SMAD1: variants seen among roughly 807,000 people sequenced by gnomAD.
SMAD1 encodes the protein MAD, mothers against decapentaplegic homolog 1.
A neutral mutation model predicts 41.6 loss-of-function variants in SMAD1; 6 were observed. The observed-to-expected ratio is 0.14, with a 90% confidence interval of 0.08 to 0.28. SMAD1 has a LOEUF of 0.28. Ranked by LOEUF, SMAD1 falls within the 10% of genes least tolerant of loss-of-function variation. The pLI is 1.00. For missense variants in SMAD1, 379 were observed against 582.6 expected (o/e 0.65, Z 3.60); for synonymous variants, 206 against 203.2 (o/e 1.01, Z -0.12).
intron 5 of SMAD1, among the ~76,000 whole-genome samples, chr4:145,553,196 C>T (rs779779081): frequency 6.6e-6 from 1 of 151,248 alleles, no homozygotes; most frequent in Non-Finnish European, 1.5e-5. Flanking sequence ...CAGGCGTGAA[C>T]AACTGTGCCT....
intron 3 of SMAD1, among the ~76,000 whole-genome samples, chr4:145,541,141 C>G (rs953135258): frequency 2.0e-5 from 3 of 152,032 alleles, no homozygotes; most frequent in African/African-American, 4.8e-5. Flanking sequence ...GTATGATGGG[C>G]AGGTTAGTGG....
At chr4:145,494,101 G>A (rs530995245) in intron 1 of SMAD1, among the ~76,000 whole-genome samples, 1 of 151,844 alleles carries the variant, frequency 6.6e-6, no homozygotes, top group Non-Finnish European at 1.5e-5. Context: ...AGCTGGGATT[G>A]CAGGTGCCCG....
At chr4:145,552,046 A>G (rs551284534) in intron 5 of SMAD1, among the ~76,000 whole-genome samples, 3 of 152,374 alleles carry the variant, frequency 2.0e-5, no homozygotes, top group Admixed American at 6.5e-5. Context: ...AGACATTTTA[A>G]TGATACCCAA....
chr4:145,528,685 A>G (rs1731165300), intron 2 of SMAD1, among the ~76,000 whole-genome samples: 1 of 152,234 alleles, frequency 6.6e-6, no homozygotes, highest in African/African-American at 2.4e-5. Context: ...TAGGTTAATC[A>G]TTTACATATC....
intron 4 of SMAD1, chr4:145,546,078 T>A (rs549666051): frequency 6.5e-6 from 1 of 153,004 alleles, no homozygotes; most frequent in East Asian, 1.9e-4. Context: ...ATATGATTCA[T>A]TCTGTAAGAA....
chr4:145,498,832 A>G (rs1729250640), intron 1 of SMAD1, among the ~76,000 whole-genome samples: 1 of 152,198 alleles, frequency 6.6e-6, no homozygotes, highest in Admixed American at 6.5e-5. Flanking sequence ...TCATAGTCGA[A>G]TGTATCATAA....
At chr4:145,519,088 C>CTTTTTTTTTTTTTTTTTTTTTT (rs771498383) in intron 2 of SMAD1, among the ~76,000 whole-genome samples, 1 of 34,892 alleles carries the variant, frequency 2.9e-5, no homozygotes, top group Admixed American at 3.7e-4. Flanking sequence ...GTTTGGTTGG[C>CTTTTTTTTTTTTTTTTTTTTTT]TTTTTTTTTT....
At chr4:145,490,610 G>A (rs1027136917) in intron 1 of SMAD1, among the ~76,000 whole-genome samples, 5 of 152,102 alleles carry the variant, frequency 3.3e-5, no homozygotes, top group African/African-American at 4.8e-5. Flanking sequence ...AGATTGCCTG[G>A]GTGTAAGACC....
At chr4:145,518,684 G>C (rs573319604) in intron 2 of SMAD1, among the ~76,000 whole-genome samples, 1 of 125,618 alleles carries the variant, frequency 8.0e-6, no homozygotes, top group Non-Finnish European at 2.0e-5. Context: ...TTTTACTTCT[G>C]ATGAAGTATC....
intron 1 of SMAD1, among the ~76,000 whole-genome samples, chr4:145,486,006 A>G (rs72946711): frequency 6.4e-4 from 98 of 152,342 alleles, no homozygotes; most frequent in African/African-American, 2.1e-3. Flanking sequence ...GTCCAACTCT[A>G]GAAACTCCAT....
At chr4:145,522,156 C>T (rs866786489) in intron 2 of SMAD1, among the ~76,000 whole-genome samples, 220 of 151,424 alleles carry the variant, frequency 1.5e-3, no homozygotes, top group African/African-American at 5.0e-3. Context: ...AAAAATTAGC[C>T]GGGCGAGGTG....
Position 145,539,820 on chromosome 4 carries a change from G to T in SMAD1, c.417G>T (p.Leu139=), listed in dbSNP as rs747919185. The T allele has an allele frequency of 6.2e-7, 1 of 1,613,740 alleles. No individual in the cohort carries two copies. Among genetic ancestry groups the T allele is most frequent in the Non-Finnish European group, 8.5e-7 (1 of 1,179,800 alleles). ...RVESPVLPPV[L]VPRHSEYNPQ... ...TTTTTCTAGTACTTCCTCCTGTGCTGGTTCCAAGACACAGCGAATATAATC... is the reference window on the plus strand; with the variant it reads ...TTTTTCTAGTACTTCCTCCTGTGCTTGTTCCAAGACACAGCGAATATAATC... The change falls in exon 3 of 7, where the codon CTG becomes CTT. Residue 139 remains leucine (L), a synonymous_variant. Coordinates refer to ENST00000302085, the MANE Select transcript of SMAD1 (RefSeq NM_005900.3).
chr4:145,543,740 CT>C (rs954346484), intron 4 of SMAD1, among the ~76,000 whole-genome samples: 2 of 152,196 alleles, frequency 1.3e-5, no homozygotes, highest in African/African-American at 4.8e-5. Context: ...GGTAGACTCT[CT>C]GAGAAATCTG....
In SMAD1 at chr4:145,514,445, C is replaced by T; in HGVS notation, c.-169C>T. The T allele has an allele frequency of 1.7e-6, 1 of 578,202 alleles. No homozygotes were observed. Among genetic ancestry groups the T allele is most frequent in the Non-Finnish European group, 2.9e-6 (1 of 341,366 alleles). The allele number at this position is 578,202 out of a possible 1,614,324, so 35.8% of individuals were successfully genotyped here. On this transcript the variant is annotated 5_prime_UTR_variant, in exon 2 of 7. Coordinates refer to ENST00000302085, the MANE Select transcript of SMAD1 (RefSeq NM_005900.3). The surrounding 1 kb of genome is among the most constrained non-coding windows in gnomAD (Gnocchi z 4.7). ...TCTTTTTTTGTTTTGTAGGTGCTGA[C>T]TGGGTTACTTTTTTAAACACTAGGA...
chr4:145,515,042 T>C, intron 2 of SMAD1, 29 bp downstream of exon 2: 1 of 1,565,370 alleles, frequency 6.4e-7, no homozygotes, highest in Non-Finnish European at 8.7e-7. Context: ...GTTGATGTGC[T>C]TTGTGTGCCC....
At chr4:145,484,533 T>C (rs187452202) in intron 1 of SMAD1, 2 of 152,510 alleles carry the variant, frequency 1.3e-5, no homozygotes, top group East Asian at 3.9e-4. Context: ...ATATGGGTGG[T>C]ACATGGGTTT....
At chr4:145,507,893 T>TA (rs1729877166) in intron 1 of SMAD1, among the ~76,000 whole-genome samples, 1 of 152,140 alleles carries the variant, frequency 6.6e-6, no homozygotes, top group Non-Finnish European at 1.5e-5. Flanking sequence ...TGAGGTAGGT[T>TA]ACCTGTTTGA....
chr4:145,537,225 A>G (rs1731660872), intron 2 of SMAD1, among the ~76,000 whole-genome samples: 1 of 152,126 alleles, frequency 6.6e-6, no homozygotes, highest in African/African-American at 2.4e-5. Flanking sequence ...TCAATGTTAA[A>G]TTTCCCAAGT....
chr4:145,526,539 G>A (rs1237247133), intron 2 of SMAD1, among the ~76,000 whole-genome samples: 1 of 152,162 alleles, frequency 6.6e-6, no homozygotes, highest in Non-Finnish European at 1.5e-5. Flanking sequence ...TTATTTAAGA[G>A]AAAACTGATG....
Sources: gnomAD v4.1 joint callset for allele counts (sites outside exome capture counted in the v4.1 genomes callset) on GRCh38, gnomAD v4.1.1 for gene constraint, Gnocchi (gnomAD v3.1) non-coding constraint, MANE v1.5 for transcripts, NCBI Gene and HGNC (gene_info 2026-07-23, HGNC 2026-07-21) for gene names.